Variants in MMP20 observed in about 807,000 individuals in gnomAD.
The protein encoded by MMP20 is matrix metallopeptidase 20.
A neutral mutation model predicts 51.8 loss-of-function variants in MMP20; 50 were observed. That is an observed-to-expected ratio of 0.97 (90% CI 0.77 to 1.22). The LOEUF (loss-of-function observed/expected upper bound fraction) is 1.22. MMP20 is among the 50% of genes most tolerant of loss of function. MMP20 has a pLI of 0.00. For synonymous variants in MMP20, 244 were observed against 216.2 expected (o/e 1.13, Z -1.13); for missense variants, 663 against 601.4 (o/e 1.10, Z -1.07).
In MMP20 at chr11:102,625,300, G is replaced by T; in HGVS notation, c.20C>A (p.Ser7Tyr). MKVLPA[S>Y]GLAVFLIMAL... ...CATGATGAGGAAGACAGCAAGGCCA[G>T]ATGCAGGGAGCACCTTCATCCCCTC... Residue 7 changes from serine (S) to tyrosine (Y), a missense_variant, in exon 1 of 10, where the codon TCT (serine) becomes TAT (tyrosine). Transcript: ENST00000260228. 1 of 1,613,608 alleles carries T rather than the reference G, an allele frequency of 6.2e-7. No homozygotes were observed. The highest frequency in any genetic ancestry group is 8.5e-7 in the Non-Finnish European group (1 of 1,179,734).
At chr11:102,622,066 T>A (rs1318513746) in intron 1 of MMP20, among the ~76,000 whole-genome samples, 1 of 152,174 alleles carries the variant, frequency 6.6e-6, no homozygotes, top group Non-Finnish European at 1.5e-5. Flanking sequence ...GGTAAGCATT[T>A]TGCCATCTTA....
At chr11:102,589,210 T>C (rs868726132) in intron 8 of MMP20, among the ~76,000 whole-genome samples, 3 of 152,170 alleles carry the variant, frequency 2.0e-5, no homozygotes, top group Non-Finnish European at 4.4e-5. Context: ...TGTGCATCAG[T>C]AAATTTGCTT....
rs1184190512 is a variant in MMP20, at chr11:102,625,042, G to A, written c.126+152C>T. 23 of 979,854 alleles carry A rather than the reference G, an allele frequency of 2.3e-5. No individual in the cohort carries two copies. In the East Asian group the frequency reaches 6.2e-4, roughly 26 times the overall value. 60.7% of individuals were successfully genotyped at this position (979,854 alleles called of 1,614,324 possible). On this transcript the variant is annotated intron_variant, in intron 1 of 9. Coordinates refer to ENST00000260228, the MANE Select transcript of MMP20 (RefSeq NM_004771.4). Reference sequence around the variant, plus strand: ...CTAATATGCACCAGACACCAATCTAGGTGGACAGAAGATAGCATCAGTTAG... The same window carrying A: ...CTAATATGCACCAGACACCAATCTAAGTGGACAGAAGATAGCATCAGTTAG...
Position 102,577,051 on chromosome 11 carries a change from A to C in MMP20, c.*275T>G. On this transcript the variant is annotated 3_prime_UTR_variant, in exon 10 of 10. Coordinates refer to ENST00000260228, the MANE Select transcript of MMP20 (RefSeq NM_004771.4). ...ACGGATCAATCTGCTTCAGTATATT[A>C]GGTAAGAAAAAATAATGGTGTCTAA... The C allele has an allele frequency of 2.5e-6, 1 of 407,036 alleles. No homozygotes were observed. The highest frequency in any genetic ancestry group is 4.6e-6 in the Non-Finnish European group (1 of 218,256). The allele number at this position is 407,036 out of a possible 1,614,324, so 25.2% of individuals were successfully genotyped here.
intron 6 of MMP20, 45 bp from the exon 7 acceptor site, chr11:102,594,802 T>C: frequency 6.3e-7 from 1 of 1,592,816 alleles, no homozygotes; most frequent in Non-Finnish European, 8.6e-7. Flanking sequence ...TCAAGATCAA[T>C]GATTGATTTA....
intron 6 of MMP20, among the ~76,000 whole-genome samples, chr11:102,602,261 C>T (rs1030013207): frequency 3.3e-4 from 48 of 146,808 alleles, no homozygotes; most frequent in Admixed American, 2.3e-3. Context: ...AGCCACCGCG[C>T]CCGGCCAAAA....
intron 1 of MMP20, among the ~76,000 whole-genome samples, chr11:102,621,120 GCT>G (rs1859745274): frequency 1.3e-5 from 2 of 152,128 alleles, no homozygotes; most frequent in South Asian, 2.1e-4. Context: ...GATACCTTTG[GCT>G]CTCTCTCTAT....
chr11:102,593,175 C>T (rs1377814381), intron 8 of MMP20, among the ~76,000 whole-genome samples: 3 of 152,060 alleles, frequency 2.0e-5, no homozygotes, highest in Non-Finnish European at 4.4e-5. Flanking sequence ...ACTAGGTGTC[C>T]GGTTAATGAG....
chr11:102,602,147 T>G (rs1258779912), intron 6 of MMP20, among the ~76,000 whole-genome samples: 2 of 133,160 alleles, frequency 1.5e-5, no homozygotes, highest in African/African-American at 2.8e-5. Flanking sequence ...TTTTTGTATT[T>G]TTAGTAGAGA....
chr11:102,602,037 C>T (rs1181479905), intron 6 of MMP20, among the ~76,000 whole-genome samples: 4 of 150,384 alleles, frequency 2.7e-5, no homozygotes, highest in Non-Finnish European at 4.4e-5. Context: ...ACAAGCTCCG[C>T]CTCCCGGGTT....
chr11:102,625,303 G>T lies in MMP20; in HGVS notation c.17C>A (p.Ala6Glu), dbSNP rs746458409. ...GATGAGGAAGACAGCAAGGCCAGAT[G>T]CAGGGAGCACCTTCATCCCCTCACA... MKVLP[A>E]SGLAVFLIMA... The change falls in exon 1 of 10, where the codon GCA (alanine) becomes GAA (glutamate). Residue 6 changes from alanine to glutamate, a missense_variant. Ala to Glu is a moderately radical substitution (Grantham distance 107). Coordinates refer to ENST00000260228, the MANE Select transcript of MMP20 (RefSeq NM_004771.4). 2 of 1,613,532 alleles carry T rather than the reference G, an allele frequency of 1.2e-6. No individual in the cohort carries two copies. Among genetic ancestry groups the T allele is most frequent in the East Asian group, 2.2e-5 (1 of 44,852 alleles).
intron 2 of MMP20, 144 bp downstream of exon 2, chr11:102,616,668 G>A (rs575216470): frequency 1.7e-5 from 18 of 1,056,878 alleles, no homozygotes; most frequent in South Asian, 1.0e-4. Flanking sequence ...ATTGCCTGAC[G>A]GATGGATGTA....
chr11:102,617,050 C>G lies in MMP20; in HGVS notation c.136G>C (p.Asp46His). The G allele has an allele frequency of 6.2e-7, 1 of 1,614,150 alleles. No homozygotes were observed. Among genetic ancestry groups the G allele is most frequent in the South Asian group, 1.1e-5 (1 of 91,066 alleles). Residue 46 changes from aspartate to histidine, a missense_variant, in exon 2 of 10, where the codon GAC (aspartate) becomes CAC (histidine). Coordinates refer to ENST00000260228, the MANE Select transcript of MMP20 (RefSeq NM_004771.4). ...CCTTCTTTATTTGTGTAATATTTGT[C>G]AAGATACGCCTGAAATGGAGAGGCA... ...NNYRLAQAYLDKYYTNKEGHQ... is the reference protein window; with the variant it reads ...NNYRLAQAYLHKYYTNKEGHQ...
At chr11:102,586,545 G>A (rs749355095) in intron 8 of MMP20, among the ~76,000 whole-genome samples, 6 of 152,030 alleles carry the variant, frequency 3.9e-5, no homozygotes, top group Non-Finnish European at 7.4e-5. Context: ...TGGGCACAGT[G>A]GCTCACACCT....
chr11:102,615,710 C>T (rs17174341), intron 2 of MMP20, among the ~76,000 whole-genome samples: 91 of 152,306 alleles, frequency 6.0e-4, no homozygotes, highest in African/African-American at 2.1e-3. Flanking sequence ...GCACTAGGCA[C>T]TTGTGGTGGG....
intron 1 of MMP20, among the ~76,000 whole-genome samples, chr11:102,621,307 T>C (rs1478458954): frequency 1.3e-5 from 2 of 152,254 alleles, no homozygotes; most frequent in African/African-American, 4.8e-5. Context: ...GATGTTTACC[T>C]TGGCCTATGC....
At chr11:102,615,982 G>A (rs1006151589) in intron 2 of MMP20, among the ~76,000 whole-genome samples, 2 of 152,100 alleles carry the variant, frequency 1.3e-5, no homozygotes, top group Admixed American at 6.5e-5. Context: ...GGAAGTCTGC[G>A]CTGGCTCCCA....
At chr11:102,608,880 G>T in intron 5 of MMP20, 57 bp downstream of exon 5, 1 of 1,558,576 alleles carries the variant, frequency 6.4e-7, no homozygotes, top group South Asian at 1.1e-5. Context: ...TCTTTAATTC[G>T]GAGACTGAAT....
chr11:102,602,598 C>T (rs1180861626), intron 6 of MMP20, among the ~76,000 whole-genome samples: 2 of 152,132 alleles, frequency 1.3e-5, no homozygotes, highest in African/African-American at 4.8e-5. Flanking sequence ...AGGCAGAAAG[C>T]TTTCTATATT....
Sources: allele counts gnomAD v4.1 joint callset (sites outside exome capture counted in the v4.1 genomes callset), GRCh38; gene constraint gnomAD v4.1.1; transcripts MANE v1.5; gene names NCBI Gene and HGNC (gene_info 2026-07-23, HGNC 2026-07-21).